Variants in ROBO2 observed in about 807,000 individuals in gnomAD.
The protein encoded by ROBO2 is roundabout guidance receptor 2.
Under a neutral mutation model 160.8 loss-of-function variants are expected in ROBO2, and 53 were observed. That is an observed-to-expected ratio of 0.33 (90% CI 0.26 to 0.41). The LOEUF (loss-of-function observed/expected upper bound fraction) is 0.41. ROBO2 is among the 10% of genes least tolerant of loss of function. ROBO2 has a pLI of 1.00. For missense variants in ROBO2, 1,577 were observed against 1,722.4 expected (o/e 0.92, Z 1.49); for synonymous variants, 664 against 611.7 (o/e 1.09, Z -1.26).
At chr3:77,046,495 G>A (rs148473835) in intron 1 of ROBO2, among the ~76,000 whole-genome samples, 3 of 152,204 alleles carry the variant, frequency 2.0e-5, no homozygotes, top group African/African-American at 7.2e-5. Flanking sequence ...ATAGCATCTC[G>A]GAGCCATTAT....
At chr3:77,101,399 T>C (rs1385026200) in intron 2 of ROBO2, among the ~76,000 whole-genome samples, 1 of 152,148 alleles carries the variant, frequency 6.6e-6, no homozygotes, top group African/African-American at 2.4e-5. Context: ...AACAGAACAG[T>C]ATGGTAAACG....
intron 16 of ROBO2, among the ~76,000 whole-genome samples, chr3:77,585,155 G>C (rs920938105): frequency 6.6e-6 from 1 of 150,710 alleles, no homozygotes. Context: ...GTTATCTTTA[G>C]TAATAAATAC....
intron 2 of ROBO2, among the ~76,000 whole-genome samples, chr3:77,032,239 A>G (rs1056898967): frequency 6.6e-6 from 1 of 152,188 alleles, no homozygotes; most frequent in Non-Finnish European, 1.5e-5. Flanking sequence ...ACTGCTGGCG[A>G]ATACATTAGC....
intron 2 of ROBO2, among the ~76,000 whole-genome samples, chr3:76,097,703 A>G (rs1403127812): frequency 6.6e-6 from 1 of 152,172 alleles, no homozygotes; most frequent in Non-Finnish European, 1.5e-5. Flanking sequence ...CATGTGCAGA[A>G]CGTAGGAAGC....
At chr3:77,298,148 G>A (rs1411695522) in intron 2 of ROBO2, among the ~76,000 whole-genome samples, 1 of 152,156 alleles carries the variant, frequency 6.6e-6, no homozygotes, top group African/African-American at 2.4e-5. Context: ...TCTGAAGGTT[G>A]TGACTTAGAT....
At chr3:77,200,173 T>G (rs2082700018) in intron 2 of ROBO2, among the ~76,000 whole-genome samples, 1 of 148,906 alleles carries the variant, frequency 6.7e-6, no homozygotes, top group Admixed American at 6.7e-5. Flanking sequence ...TGAATGACTT[T>G]CCTTCTAACA....
chr3:76,831,269 T>C (rs955293473), intron 2 of ROBO2, among the ~76,000 whole-genome samples: 1 of 152,168 alleles, frequency 6.6e-6, no homozygotes, highest in Non-Finnish European at 1.5e-5. Context: ...GCTATTTAGG[T>C]ATGTAATAAA....
At chr3:76,942,239 C>T (rs961502637) in intron 2 of ROBO2, among the ~76,000 whole-genome samples, 3 of 152,168 alleles carry the variant, frequency 2.0e-5, no homozygotes, top group Admixed American at 2.0e-4. Flanking sequence ...TTTCATCTTT[C>T]AATCCAGCAG....
chr3:77,063,895 A>G (rs1483286412), intron 1 of ROBO2, among the ~76,000 whole-genome samples: 1 of 152,178 alleles, frequency 6.6e-6, no homozygotes, highest in Non-Finnish European at 1.5e-5. Context: ...TATGTGTTCA[A>G]AGTTTGATTG....
chr3:76,983,145 C>T lies in ROBO2; in HGVS notation c.110-114869C>T, dbSNP rs6804614. On this transcript the variant is annotated intron_variant, in intron 2 of 26. Transcript: ENST00000487694. Reference sequence around the variant, plus strand: ...CTAAAAATACAAAAAATTAGCCGGGCGTGGTGGCTCATGCCTGTAATTCCA... The same window carrying T: ...CTAAAAATACAAAAAATTAGCCGGGTGTGGTGGCTCATGCCTGTAATTCCA... Among the ~76,000 whole-genome samples the T allele has an allele frequency of 1.1e-4, 17 of 152,044 alleles. No individual in the cohort carries two copies. In the South Asian group the frequency reaches 3.1e-3, roughly 28 times the overall value.
In ROBO2 at chr3:77,144,363, T is replaced by G. The variant is rs148544119; in HGVS notation, c.388+46023T>G. Among the ~76,000 whole-genome samples, 111 of 152,308 alleles carry G rather than the reference T, an allele frequency of 7.3e-4. 1 individual carries two copies. Among genetic ancestry groups the G allele is most frequent in the African/African-American group, 2.5e-3 (103 of 41,574 alleles). On this transcript the variant is annotated intron_variant, in intron 2 of 25. Transcript: ENST00000461745. Reference sequence around the variant, plus strand: ...ACTCTTGGCAGACAGCGGTCCCATATTTTTTTCCTCATGAGTATTTCCTAT... The same window carrying G: ...ACTCTTGGCAGACAGCGGTCCCATAGTTTTTTCCTCATGAGTATTTCCTAT...
chr3:77,541,039 C>CA (rs541312472), intron 6 of ROBO2, among the ~76,000 whole-genome samples: 3 of 151,350 alleles, frequency 2.0e-5, no homozygotes, highest in Admixed American at 6.6e-5. Context: ...TATGAAATAG[C>CA]AAAAAAAATT....
chr3:76,597,940 G>T (rs577054329), intron 2 of ROBO2, among the ~76,000 whole-genome samples: 1 of 152,122 alleles, frequency 6.6e-6, no homozygotes, highest in South Asian at 2.1e-4. Flanking sequence ...ATCTCGGAAA[G>T]ATAAAAACTG....
intron 2 of ROBO2, among the ~76,000 whole-genome samples, chr3:76,353,842 C>T (rs1042201452): frequency 4.0e-5 from 6 of 151,778 alleles, no homozygotes; most frequent in Non-Finnish European, 7.4e-5. Context: ...TTCTTTTAGG[C>T]GAGACAGAGA....
intron 2 of ROBO2, among the ~76,000 whole-genome samples, chr3:76,001,598 T>C (rs1576438179): frequency 2.0e-5 from 3 of 152,110 alleles, no homozygotes; most frequent in Admixed American, 2.0e-4. Context: ...AGTGCAGTGG[T>C]GCAATCATGG....
intron 2 of ROBO2, among the ~76,000 whole-genome samples, chr3:77,269,978 A>C (rs1453786951): frequency 6.6e-6 from 1 of 152,198 alleles, no homozygotes; most frequent in Non-Finnish European, 1.5e-5. Context: ...ATGACCATGA[A>C]GTATTTAAAA....
intron 2 of ROBO2, among the ~76,000 whole-genome samples, chr3:75,977,778 A>G (rs912230852): frequency 2.0e-5 from 3 of 151,536 alleles, no homozygotes; most frequent in African/African-American, 7.3e-5. Flanking sequence ...AAATTGCATT[A>G]TACATTATTT....
At chr3:76,930,992 T>C (rs1387833690) in intron 2 of ROBO2, among the ~76,000 whole-genome samples, 1 of 152,034 alleles carries the variant, frequency 6.6e-6, no homozygotes, top group African/African-American at 2.4e-5. Context: ...TTGCGTAGCC[T>C]TTTTTTTCTC....
chr3:76,221,408 C>A (rs944062647), intron 2 of ROBO2, among the ~76,000 whole-genome samples: 5 of 151,088 alleles, frequency 3.3e-5, no homozygotes, highest in African/African-American at 1.2e-4. Context: ...TGAGCAGTGC[C>A]CCTCTCATTT....
Sources: gnomAD v4.1 joint callset for allele counts (sites outside exome capture counted in the v4.1 genomes callset) on GRCh38, gnomAD v4.1.1 for gene constraint, MANE v1.5 for transcripts, NCBI Gene and HGNC (gene_info 2026-07-23, HGNC 2026-07-21) for gene names.